VAT1L: variants seen among roughly 807,000 people sequenced by gnomAD.
VAT1L encodes the protein vesicle amine transport 1 like.
A neutral mutation model predicts 44.1 loss-of-function variants in VAT1L; 34 were observed. The ratio of observed to expected loss-of-function variants is 0.77; its 90% CI spans 0.59 to 1.03. The LOEUF is 1.03. Among genes scored for constraint, VAT1L ranks in the 50% least tolerant of loss-of-function variants. The pLI, the probability that VAT1L is intolerant of heterozygous loss-of-function variation, is 0.00. For synonymous variants in VAT1L, 253 were observed against 202.2 expected (o/e 1.25, Z -2.13); for missense variants, 615 against 538.8 (o/e 1.14, Z -1.40).
At chr16:77,905,867 A>G (rs191833042) in intron 7 of VAT1L, among the ~76,000 whole-genome samples, 1 of 152,356 alleles carries the variant, frequency 6.6e-6, no homozygotes, top group Non-Finnish European at 1.5e-5. Context: ...TCTCCCTGAC[A>G]TTCCAAGCGT....
At position 77,978,694 on chromosome 16, in the gene VAT1L, A is replaced by G. The variant is rs966245915; in HGVS notation, c.*999A>G. The G allele has an allele frequency of 6.6e-6, 1 of 152,186 alleles. No homozygotes were observed. Among genetic ancestry groups the G allele is most frequent in the African/African-American group, 2.4e-5 (1 of 41,440 alleles). 9.4% of individuals were successfully genotyped at this position (152,186 alleles called of 1,614,324 possible). On this transcript the variant is annotated 3_prime_UTR_variant, in exon 9 of 9. Transcript: ENST00000302536. ...ACATGTAACAAACTCTAGGGATACAAAAGGTTTATATTCAGCATCTGATGT... is the reference window on the plus strand; with the variant it reads ...ACATGTAACAAACTCTAGGGATACAGAAGGTTTATATTCAGCATCTGATGT...
intron 3 of VAT1L, among the ~76,000 whole-genome samples, chr16:77,850,395 C>G (rs774909379): frequency 6.6e-6 from 1 of 152,164 alleles, no homozygotes; most frequent in Non-Finnish European, 1.5e-5. Flanking sequence ...AGCAGTAGAT[C>G]CAAGGATCAG....
chr16:77,835,250 G>A (rs2016626740), intron 3 of VAT1L, among the ~76,000 whole-genome samples: 1 of 152,068 alleles, frequency 6.6e-6, no homozygotes, highest in Non-Finnish European at 1.5e-5. Context: ...AATCCCAGGG[G>A]GAGGAAAAAT....
intron 7 of VAT1L, among the ~76,000 whole-genome samples, chr16:77,935,981 C>G (rs950313721): frequency 2.0e-5 from 3 of 152,188 alleles, no homozygotes; most frequent in Non-Finnish European, 2.9e-5. Context: ...TCCTGCTTCT[C>G]TCTCGTTCTC....
intron 7 of VAT1L, among the ~76,000 whole-genome samples, chr16:77,965,635 TC>T (rs2018214983): frequency 6.6e-6 from 1 of 152,148 alleles, no homozygotes; most frequent in Non-Finnish European, 1.5e-5. Context: ...GGCCGTGGCA[TC>T]CCAGACTGGG....
At chr16:77,962,824 C>T (rs640337) in intron 7 of VAT1L, among the ~76,000 whole-genome samples, 137,323 of 152,000 alleles carry the variant, frequency 0.9, 62,339 homozygotes, top group East Asian at 0.96. Flanking sequence ...CTCATGCCTG[C>T]AGTCTCAGCT....
intron 3 of VAT1L, among the ~76,000 whole-genome samples, chr16:77,858,459 A>G (rs1033428808): frequency 6.6e-6 from 1 of 152,214 alleles, no homozygotes; most frequent in African/African-American, 2.4e-5. Context: ...AGGACTTAGG[A>G]GTAGTGATAG....
intron 3 of VAT1L, among the ~76,000 whole-genome samples, chr16:77,836,342 C>A (rs2016638846): frequency 6.6e-6 from 1 of 152,038 alleles, no homozygotes; most frequent in African/African-American, 2.4e-5. Flanking sequence ...TGGCCAGATA[C>A]CTGGTCCCCA....
chr16:77,889,663 C>G (rs1276297448), intron 7 of VAT1L, among the ~76,000 whole-genome samples: 2 of 152,132 alleles, frequency 1.3e-5, no homozygotes, highest in Non-Finnish European at 2.9e-5. Flanking sequence ...GTTTCCTGCC[C>G]TTGAGTTTAT....
intron 4 of VAT1L, among the ~76,000 whole-genome samples, chr16:77,870,772 A>C (rs2017022914): frequency 6.6e-6 from 1 of 152,216 alleles, no homozygotes; most frequent in African/African-American, 2.4e-5. Context: ...TAATAATCAT[A>C]CATATGCAGG....
intron 4 of VAT1L, among the ~76,000 whole-genome samples, chr16:77,868,487 C>G (rs1220416688): frequency 6.6e-6 from 1 of 152,198 alleles, no homozygotes; most frequent in Non-Finnish European, 1.5e-5. Flanking sequence ...TGGGAGCTCT[C>G]TTTTGGGTCT....
At chr16:77,974,753 G>C (rs415209) in intron 8 of VAT1L, among the ~76,000 whole-genome samples, 15,125 of 151,876 alleles carry the variant, frequency 0.1, 868 homozygotes, top group African/African-American at 0.14. Context: ...ATTTTTAGTA[G>C]AGACAGGGTT....
intron 8 of VAT1L, among the ~76,000 whole-genome samples, chr16:77,977,147 G>A (rs1201561236): frequency 6.6e-6 from 1 of 152,078 alleles, no homozygotes; most frequent in Non-Finnish European, 1.5e-5. Flanking sequence ...GAAACTGCGT[G>A]GGGTGCAGGG....
At chr16:77,863,928 G>C (rs2016941802) in intron 4 of VAT1L, among the ~76,000 whole-genome samples, 1 of 152,178 alleles carries the variant, frequency 6.6e-6, no homozygotes, top group Non-Finnish European at 1.5e-5. Flanking sequence ...TTTGAGTTTT[G>C]AACAATCACT....
intron 7 of VAT1L, among the ~76,000 whole-genome samples, chr16:77,959,910 T>C (rs902046473): frequency 1.3e-5 from 2 of 152,120 alleles, no homozygotes; most frequent in Non-Finnish European, 2.9e-5. Flanking sequence ...TGACTTTTGC[T>C]CTTTTGTCCC....
At position 77,871,303 on chromosome 16, in the gene VAT1L, G is replaced by C. The variant is rs537780298; in HGVS notation, c.723-5067G>C. Among the ~76,000 whole-genome samples, 3 of 152,068 alleles carry C rather than the reference G, an allele frequency of 2.0e-5. No homozygotes were observed. In the East Asian group the frequency reaches 5.8e-4, roughly 30 times the overall value. On this transcript the variant is annotated intron_variant, in intron 4 of 8. Transcript: ENST00000302536. ...CAGGAAGGAGAGGATTTGTGGTTCT[G>C]TTGACCCCCAGCCATGCATGTGATC... is the stretch of plus-strand genomic sequence containing the variant.
At chr16:77,902,775 C>G (rs983710908) in intron 7 of VAT1L, among the ~76,000 whole-genome samples, 26 of 149,242 alleles carry the variant, frequency 1.7e-4, no homozygotes, top group African/African-American at 6.2e-4. Context: ...TCGAGACTAG[C>G]CTGGCCAACA....
intron 7 of VAT1L, among the ~76,000 whole-genome samples, chr16:77,950,282 G>T (rs2018026056): frequency 6.6e-6 from 1 of 152,176 alleles, no homozygotes; most frequent in Admixed American, 6.5e-5. Flanking sequence ...GGTGGTGGGT[G>T]CCTGTAATCC....
At chr16:77,922,190 G>T (rs1276973476) in intron 7 of VAT1L, among the ~76,000 whole-genome samples, 2 of 151,482 alleles carry the variant, frequency 1.3e-5, no homozygotes, top group African/African-American at 4.9e-5. Context: ...GGGCGGGGGT[G>T]GAGGGGCAGT....
Sources: gnomAD v4.1 joint callset for allele counts (sites outside exome capture counted in the v4.1 genomes callset) on GRCh38, gnomAD v4.1.1 for gene constraint, MANE v1.5 for transcripts, NCBI Gene and HGNC (gene_info 2026-07-23, HGNC 2026-07-21) for gene names.